The following ARSB variants were observed in gnomAD, a reference collection of about 807,000 sequenced individuals.
The protein encoded by ARSB is N-acetylgalactosamine-4-sulfatase.
A neutral mutation model predicts 50.9 loss-of-function variants in ARSB; 41 were observed. The observed-to-expected ratio is 0.81, with a 90% confidence interval of 0.63 to 1.04. The LOEUF (loss-of-function observed/expected upper bound fraction) is 1.04. Among genes scored for constraint, ARSB ranks in the 50% least tolerant of loss-of-function variants. ARSB has a pLI of 0.00. For missense variants in ARSB, 672 were observed against 693.3 expected (o/e 0.97, Z 0.35); for synonymous variants, 269 against 284.8 (o/e 0.94, Z 0.56).
chr5:78,973,680 T>C (rs1470482819), intron 1 of ARSB, among the ~76,000 whole-genome samples: 1 of 152,168 alleles, frequency 6.6e-6, no homozygotes, highest in East Asian at 1.9e-4. Flanking sequence ...TGATTAGTTA[T>C]CTATATGGGA....
chr5:78,833,937 G>C (rs912629581), intron 6 of ARSB, among the ~76,000 whole-genome samples: 1 of 152,184 alleles, frequency 6.6e-6, no homozygotes, highest in African/African-American at 2.4e-5. Context: ...TAGCTTCTAA[G>C]TTATTTTTAC....
chr5:78,938,411 C>T (rs1938564704), intron 4 of ARSB, among the ~76,000 whole-genome samples: 1 of 152,178 alleles, frequency 6.6e-6, no homozygotes, highest in Non-Finnish European at 1.5e-5. Flanking sequence ...ATTCAAGTCT[C>T]ATTATTCTGA....
rs377298552 is a variant in ARSB, at chr5:78,859,954, T to A, written c.1143-20528A>T. Reference sequence around the variant, plus strand: ...ACTGTGAGTGTAGGATAGAAGCCCTTTTATCCAAAAGGTTGGGAAATTAGG... The same window carrying A: ...ACTGTGAGTGTAGGATAGAAGCCCTATTATCCAAAAGGTTGGGAAATTAGG... On this transcript the variant is annotated intron_variant, in intron 5 of 7. Transcript: ENST00000264914. Among the ~76,000 whole-genome samples, 18 of 152,226 alleles carry A rather than the reference T, an allele frequency of 1.2e-4. No homozygotes were observed. In the East Asian group the frequency reaches 1.5e-3, roughly 13 times the overall value.
At chr5:78,812,854 G>A (rs527775963) in intron 6 of ARSB, among the ~76,000 whole-genome samples, 29 of 152,190 alleles carry the variant, frequency 1.9e-4, no homozygotes, top group African/African-American at 6.7e-4. Flanking sequence ...AACCGGGCAT[G>A]GTGGCATGTG....
intron 4 of ARSB, among the ~76,000 whole-genome samples, chr5:78,901,544 GA>G (rs920557401): frequency 5.3e-5 from 8 of 151,368 alleles, no homozygotes; most frequent in Non-Finnish European, 8.8e-5. Context: ...AACCAATAGG[GA>G]AATAGTTTTT....
chr5:78,922,303 G>A (rs2112355550), intron 4 of ARSB, among the ~76,000 whole-genome samples: 1 of 152,142 alleles, frequency 6.6e-6, no homozygotes, highest in South Asian at 2.1e-4. Flanking sequence ...TTCCACTCAA[G>A]AAGAGGAGAG....
Position 78,781,863 on chromosome 5 carries a change from G to C in ARSB, c.1325C>G (p.Thr442Arg), listed in dbSNP as rs1057520739. Residue 442 changes from threonine to arginine, a missense_variant, in exon 7 of 8, where the codon ACG becomes AGG. By Grantham distance (71) the Thr-to-Arg change is moderately conservative. Coordinates refer to ENST00000264914, the MANE Select transcript of ARSB (RefSeq NM_000046.5). The part of the protein sequence containing the change: ...AIRHGNWKLL[T>R]GYPGCGYWFP... ...GCTAAGGACTCTACCTGGGTAGCCCGTGAGGAGTTTCCAATTTCCATGTCT... is the reference window on the plus strand; with the variant it reads ...GCTAAGGACTCTACCTGGGTAGCCCCTGAGGAGTTTCCAATTTCCATGTCT... 6.2e-7 allele frequency: 1 copy of C among 1,614,086 alleles called. No homozygotes were observed. Among genetic ancestry groups the C allele is most frequent in the Non-Finnish European group, 8.5e-7 (1 of 1,179,942 alleles).
At chr5:78,820,803 A>T in intron 6 of ARSB, among the ~76,000 whole-genome samples, 1 of 152,032 alleles carries the variant, frequency 6.6e-6, no homozygotes, top group Admixed American at 6.6e-5. Context: ...TCAGGTCGTG[A>T]CCACCAAAAA....
intron 5 of ARSB, among the ~76,000 whole-genome samples, chr5:78,879,220 C>A (rs1470310102): frequency 6.6e-6 from 1 of 152,112 alleles, no homozygotes; most frequent in Non-Finnish European, 1.5e-5. Context: ...GGTTTTAATC[C>A]TTTGGTTTTC....
chr5:78,892,592 G>A (rs163299), intron 4 of ARSB, among the ~76,000 whole-genome samples: 1 of 152,020 alleles, frequency 6.6e-6, no homozygotes. Flanking sequence ...CTTGAGAAGT[G>A]CAACAACACA....
chr5:78,824,075 C>A (rs1744339173), intron 6 of ARSB, among the ~76,000 whole-genome samples: 1 of 152,178 alleles, frequency 6.6e-6, no homozygotes, highest in Admixed American at 6.5e-5. Flanking sequence ...AAGAGCCTGG[C>A]ATCTCTCTTG....
At chr5:78,835,633 T>C (rs2112707989) in intron 6 of ARSB, among the ~76,000 whole-genome samples, 1 of 152,350 alleles carries the variant, frequency 6.6e-6, no homozygotes, top group Middle Eastern at 3.4e-3. Flanking sequence ...TGTGTTTATC[T>C]ATTTATGATC....
chr5:78,868,410 G>C (rs375664477), intron 5 of ARSB, among the ~76,000 whole-genome samples: 1,182 of 91,622 alleles, frequency 0.013, 2 homozygotes, highest in Middle Eastern at 0.046. Context: ...GGCAGCCAGA[G>C]AGAAAGGTCG....
At chr5:78,967,659 C>T (rs373875096) in intron 2 of ARSB, among the ~76,000 whole-genome samples, 1 of 144,960 alleles carries the variant, frequency 6.9e-6, no homozygotes, top group Admixed American at 7.1e-5. Context: ...GGCAACAGAG[C>T]GAGACTCCGT....
At chr5:78,854,431 T>C (rs933055169) in intron 5 of ARSB, among the ~76,000 whole-genome samples, 3 of 152,248 alleles carry the variant, frequency 2.0e-5, no homozygotes, top group South Asian at 2.1e-4. Context: ...TGTATGTCTA[T>C]TTTCATTTCT....
At chr5:78,979,747 T>C (rs982661178) in intron 1 of ARSB, among the ~76,000 whole-genome samples, 3 of 152,232 alleles carry the variant, frequency 2.0e-5, no homozygotes, top group Non-Finnish European at 4.4e-5. Context: ...ACCTCATCGT[T>C]AGCTGAACTA....
At chr5:78,811,714 T>C (rs1743811281) in intron 6 of ARSB, among the ~76,000 whole-genome samples, 1 of 152,194 alleles carries the variant, frequency 6.6e-6, no homozygotes. Flanking sequence ...GCAAAACAGA[T>C]GTGTGAGAGG....
At chr5:78,841,738 T>C (rs2111995837) in intron 5 of ARSB, among the ~76,000 whole-genome samples, 1 of 152,314 alleles carries the variant, frequency 6.6e-6, no homozygotes, top group East Asian at 1.9e-4. Flanking sequence ...GTCACAGGTA[T>C]TTTAAAATAA....
chr5:78,848,624 A>G (rs1745580217), intron 5 of ARSB, among the ~76,000 whole-genome samples: 2 of 151,786 alleles, frequency 1.3e-5, no homozygotes, highest in South Asian at 4.2e-4. Context: ...GTCTAGTTCT[A>G]GATCCCTGAG....
Sources: allele counts gnomAD v4.1 joint callset (sites outside exome capture counted in the v4.1 genomes callset), GRCh38; gene constraint gnomAD v4.1.1; transcripts MANE v1.5; gene names NCBI Gene and HGNC (gene_info 2026-07-23, HGNC 2026-07-21).